The following ZBTB7C variants were observed in gnomAD, a reference collection of about 807,000 sequenced individuals.
The protein encoded by ZBTB7C is zinc finger and BTB domain containing 7C.
ZBTB7C carries 8 observed loss-of-function variants against 25.7 expected under a neutral mutation model. The ratio of observed to expected loss-of-function variants is 0.31; its 90% confidence interval spans 0.18 to 0.56. The LOEUF is 0.56. ZBTB7C is among the 20% of genes least tolerant of loss of function. ZBTB7C has a pLI of 0.91. For missense variants in ZBTB7C, 824 were observed against 855.2 expected (o/e 0.96, Z 0.46); for synonymous variants, 394 against 369.0 (o/e 1.07, Z -0.78).
In ZBTB7C at chr18:48,397,776, A is replaced by G. The variant is rs1020717452; in HGVS notation, c.-304+11450T>C. On this transcript the variant is annotated intron_variant, in intron 1 of 4. Coordinates refer to ENST00000590800, the MANE Select transcript of ZBTB7C (RefSeq NM_001318841.2). ...ATTTAGCTCTTCAGCATAAGCTTAT[A>G]TATGTCTTGCATATATTTTCACAAA... 4.0e-4 allele frequency among the ~76,000 whole-genome samples: 61 copies of G among 152,206 alleles called. 1 individual carries two copies. Among genetic ancestry groups the G allele is most frequent in the Non-Finnish European group, 7.3e-5 (5 of 68,048 alleles).
chr18:48,140,276 G>C (rs2040300584), intron 3 of ZBTB7C, among the ~76,000 whole-genome samples: 1 of 152,246 alleles, frequency 6.6e-6, no homozygotes, highest in African/African-American at 2.4e-5. Context: ...CGTGCATAAA[G>C]AGGCAGACAC....
intron 4 of ZBTB7C, among the ~76,000 whole-genome samples, chr18:48,037,620 G>A (rs1428560749): frequency 1.3e-5 from 2 of 152,222 alleles, no homozygotes; most frequent in East Asian, 3.9e-4. Context: ...GAAAGGGAGT[G>A]GGGAAGAAGG....
intron 2 of ZBTB7C, among the ~76,000 whole-genome samples, chr18:48,264,871 C>T (rs142677815): frequency 4.0e-4 from 61 of 152,304 alleles, no homozygotes; most frequent in Middle Eastern, 3.4e-3. Flanking sequence ...TCAACCCCCA[C>T]GACCACAAGC....
At chr18:48,156,958 G>A (rs572483053) in intron 3 of ZBTB7C, among the ~76,000 whole-genome samples, 30 of 152,260 alleles carry the variant, frequency 2.0e-4, no homozygotes, top group African/African-American at 6.3e-4. Flanking sequence ...TCACTCAGAG[G>A]CTTTCCCCAA....
At chr18:48,211,189 A>G (rs2042693930) in intron 2 of ZBTB7C, among the ~76,000 whole-genome samples, 1 of 152,200 alleles carries the variant, frequency 6.6e-6, no homozygotes, top group Non-Finnish European at 1.5e-5. Context: ...AAATAACTCA[A>G]ATGGGTGAAT....
intron 2 of ZBTB7C, among the ~76,000 whole-genome samples, chr18:48,264,264 G>T (rs1433113100): frequency 6.6e-6 from 1 of 152,190 alleles, no homozygotes; most frequent in African/African-American, 2.4e-5. Flanking sequence ...ATCATGGGGC[G>T]AATAAGACTG....
At chr18:48,213,165 C>T (rs1168953731) in intron 2 of ZBTB7C, among the ~76,000 whole-genome samples, 1 of 152,236 alleles carries the variant, frequency 6.6e-6, no homozygotes, top group Non-Finnish European at 1.5e-5. Flanking sequence ...GGCTGGTACA[C>T]TAGAGGAAGA....
At chr18:48,281,088 G>C (rs188098897) in intron 2 of ZBTB7C, among the ~76,000 whole-genome samples, 88 of 151,966 alleles carry the variant, frequency 5.8e-4, no homozygotes, top group African/African-American at 2.1e-3. Flanking sequence ...CCCTGACCTC[G>C]GGTGATTCAC....
At chr18:48,345,091 T>C (rs2046696610) in intron 1 of ZBTB7C, among the ~76,000 whole-genome samples, 1 of 152,230 alleles carries the variant, frequency 6.6e-6, no homozygotes, top group African/African-American at 2.4e-5. Flanking sequence ...GATTCTGTTT[T>C]TCCTCTAAGC....
chr18:48,033,439 C>T (rs967422739), intron 4 of ZBTB7C, among the ~76,000 whole-genome samples: 2 of 152,168 alleles, frequency 1.3e-5, no homozygotes, highest in African/African-American at 2.4e-5. Context: ...GAGAGGGCAC[C>T]GGTAGCCAGC....
intron 1 of ZBTB7C, among the ~76,000 whole-genome samples, chr18:48,344,807 A>G (rs1416602445): frequency 1.3e-5 from 2 of 152,256 alleles, no homozygotes; most frequent in African/African-American, 2.4e-5. Context: ...AGGAAAGCTG[A>G]TAAGTCATGA....
chr18:48,119,795 A>G (rs1423521022), intron 3 of ZBTB7C, among the ~76,000 whole-genome samples: 1 of 152,178 alleles, frequency 6.6e-6, no homozygotes, highest in East Asian at 1.9e-4. Flanking sequence ...ACATACCAAC[A>G]TAAATAACAA....
intron 2 of ZBTB7C, among the ~76,000 whole-genome samples, chr18:48,286,233 C>T (rs202210295): frequency 3.4e-5 from 5 of 145,460 alleles, no homozygotes; most frequent in East Asian, 2.0e-4. Context: ...AAGAGGTGTG[C>T]GTGTGTGTGT....
At chr18:48,226,556 G>A (rs1451395536) in intron 2 of ZBTB7C, among the ~76,000 whole-genome samples, 2 of 152,168 alleles carry the variant, frequency 1.3e-5, no homozygotes, top group African/African-American at 2.4e-5. Context: ...GATTGCATGT[G>A]CATGACTGCA....
At chr18:48,136,935 A>C in intron 3 of ZBTB7C, 4 of 961,006 alleles carry the variant, frequency 4.2e-6, no homozygotes, top group East Asian at 1.2e-4. Flanking sequence ...CCCCCTCCCC[A>C]CGGCCCGGCC....
intron 3 of ZBTB7C, among the ~76,000 whole-genome samples, chr18:48,044,376 T>G (rs2036383453): frequency 6.6e-6 from 1 of 152,214 alleles, no homozygotes; most frequent in African/African-American, 2.4e-5. Context: ...CCTAGTGACT[T>G]CCTCCTTTCC....
chr18:48,214,001 C>T (rs1036647176), intron 2 of ZBTB7C, among the ~76,000 whole-genome samples: 5 of 152,182 alleles, frequency 3.3e-5, no homozygotes, highest in South Asian at 4.1e-4. Context: ...GCCTGCCTTG[C>T]GGTGAGAGCG....
chr18:48,134,769 G>C (rs539059355), intron 3 of ZBTB7C, among the ~76,000 whole-genome samples: 1 of 152,224 alleles, frequency 6.6e-6, no homozygotes, highest in African/African-American at 2.4e-5. Flanking sequence ...GAGACTGTTT[G>C]GGCCTCTTCT....
Position 48,085,790 on chromosome 18 carries a change from C to T in ZBTB7C, c.-16-44667G>A, listed in dbSNP as rs73954693. On this transcript the variant is annotated intron_variant, in intron 3 of 4. Transcript: ENST00000590800. ...AATGGTGACCACACAGACTCTGGGA[C>T]GAATAAATGTCTGGAATCTTCAGAG... 5.9e-3 allele frequency among the ~76,000 whole-genome samples: 892 copies of T among 152,284 alleles called. 13 individuals carry two copies. Among genetic ancestry groups the T allele is most frequent in the African/African-American group, 0.02 (842 of 41,558 alleles).
Sources: gnomAD v4.1 joint callset for allele counts (sites outside exome capture counted in the v4.1 genomes callset) on GRCh38, gnomAD v4.1.1 for gene constraint, MANE v1.5 for transcripts, NCBI Gene and HGNC (gene_info 2026-07-23, HGNC 2026-07-21) for gene names.